Variants in IL1RAPL1 observed in about 807,000 individuals in gnomAD.
The protein encoded by IL1RAPL1 is interleukin 1 receptor accessory protein like 1.
IL1RAPL1 carries 3 observed loss-of-function variants against 48.4 expected under a neutral mutation model. The ratio of observed to expected loss-of-function variants is 0.06; its 90% CI spans 0.03 to 0.16. The LOEUF is 0.16. Among genes scored for constraint, IL1RAPL1 ranks in the 10% least tolerant of loss-of-function variants. The pLI, the probability that IL1RAPL1 is intolerant of heterozygous loss-of-function variation, is 1.00. For missense variants in IL1RAPL1, 349 were observed against 530.6 expected (o/e 0.66, Z 3.36); for synonymous variants, 185 against 187.7 (o/e 0.99, Z 0.12).
chrX:28,997,374 G>A (rs1458977716), intron 2 of IL1RAPL1, among the ~76,000 whole-genome samples: 6 of 111,679 alleles, frequency 5.4e-5, no homozygotes, highest in Non-Finnish European at 1.1e-4. Flanking sequence ...ATAACTCTAT[G>A]TTGGTGATAT....
chrX:28,971,264 A>T (rs1925063480), intron 2 of IL1RAPL1, among the ~76,000 whole-genome samples: 1 of 112,209 alleles, frequency 8.9e-6, no homozygotes, highest in African/African-American at 3.2e-5. Flanking sequence ...CTTCTAAATT[A>T]CCTATAAAAT....
At chrX:29,439,806 A>G (rs1431344967) in intron 5 of IL1RAPL1, among the ~76,000 whole-genome samples, 1 of 107,782 alleles carries the variant, frequency 9.3e-6, no homozygotes, top group Non-Finnish European at 1.9e-5. Context: ...TAGTACATCA[A>G]AGGCAATGTA....
intron 5 of IL1RAPL1, among the ~76,000 whole-genome samples, chrX:29,419,014 T>C (rs1934258115): frequency 8.9e-6 from 1 of 112,246 alleles, no homozygotes; most frequent in African/African-American, 3.2e-5. Flanking sequence ...TCTAATTGTA[T>C]AAATGAATGT....
chrX:28,847,049 T>C (rs1027914141), intron 2 of IL1RAPL1, among the ~76,000 whole-genome samples: 1 of 111,873 alleles, frequency 8.9e-6, no homozygotes, highest in African/African-American at 3.2e-5. Context: ...TTTGTCTAAA[T>C]GGGTATGTCA....
intron 5 of IL1RAPL1, among the ~76,000 whole-genome samples, chrX:29,460,263 T>G (rs1261887171): frequency 8.9e-6 from 1 of 112,278 alleles, no homozygotes; most frequent in Non-Finnish European, 1.9e-5. Flanking sequence ...CTCTATGAAT[T>G]TTTAAGTAGC....
At chrX:29,628,925 G>A (rs1008223288) in intron 5 of IL1RAPL1, among the ~76,000 whole-genome samples, 38 of 111,969 alleles carry the variant, frequency 3.4e-4, no homozygotes, top group African/African-American at 1.1e-3. Flanking sequence ...TACTTTTAGG[G>A]CAATGCTCTT....
chrX:29,724,243 T>G (rs772355263), intron 6 of IL1RAPL1, among the ~76,000 whole-genome samples: 94 of 111,785 alleles, frequency 8.4e-4, no homozygotes, highest in African/African-American at 2.9e-3. Flanking sequence ...CTCACTGTAC[T>G]CTTGCTCACA....
chrX:29,363,960 A>T (rs1237550176), intron 3 of IL1RAPL1, among the ~76,000 whole-genome samples: 1 of 111,658 alleles, frequency 9.0e-6, no homozygotes, highest in Non-Finnish European at 1.9e-5. Flanking sequence ...AATAAAAAGA[A>T]ATGTCTTAGT....
At chrX:29,885,755 G>C (rs772599203) in intron 6 of IL1RAPL1, among the ~76,000 whole-genome samples, 1 of 111,690 alleles carries the variant, frequency 9.0e-6, no homozygotes. Flanking sequence ...GGTGTTCGAG[G>C]ATGCAGGGAA....
intron 6 of IL1RAPL1, among the ~76,000 whole-genome samples, chrX:29,862,412 C>A (rs899508252): frequency 3.7e-4 from 41 of 111,247 alleles, no homozygotes; most frequent in African/African-American, 1.2e-3. Flanking sequence ...GTTATAAAAA[C>A]GTGACGGATG....
At chrX:29,582,114 C>A (rs931433506) in intron 5 of IL1RAPL1, among the ~76,000 whole-genome samples, 9 of 111,151 alleles carry the variant, frequency 8.1e-5, no homozygotes, top group African/African-American at 2.9e-4. Flanking sequence ...GGAAAGCATG[C>A]ATCTTCCCAG....
At chrX:29,318,384 T>G (rs1319325768) in intron 3 of IL1RAPL1, among the ~76,000 whole-genome samples, 2 of 112,491 alleles carry the variant, frequency 1.8e-5, no homozygotes, top group Admixed American at 1.9e-4. Flanking sequence ...AAGAAAACAT[T>G]TTAATACAAA....
intron 2 of IL1RAPL1, among the ~76,000 whole-genome samples, chrX:28,944,786 A>T (rs1362784757): frequency 9.1e-6 from 1 of 109,691 alleles, no homozygotes; most frequent in Non-Finnish European, 1.9e-5. Context: ...TTTTTTTAAG[A>T]TAAGAAAAAA....
intron 5 of IL1RAPL1, among the ~76,000 whole-genome samples, chrX:29,630,421 G>A (rs979211078): frequency 2.7e-5 from 3 of 111,741 alleles, no homozygotes; most frequent in Admixed American, 9.5e-5. Context: ...GAAGGACTTC[G>A]TTGCTGTAGA....
chrX:29,319,560 ATC>A lies in IL1RAPL1; in HGVS notation c.362+36345_362+36346del, dbSNP rs1439766338. Among the ~76,000 whole-genome samples the A allele has an allele frequency of 1.1e-4, 11 of 104,266 alleles. No individual in the cohort carries two copies. In the South Asian group the frequency reaches 1.3e-3, roughly 12 times the overall value. 90.5% of individuals were successfully genotyped at this position (104,266 alleles called of 115,157 possible). A position where few individuals can be genotyped will look rare whatever the true frequency, so the allele number is the denominator to read the frequency against. On this transcript the variant is annotated intron_variant, in intron 3 of 10. Transcript: ENST00000378993. Reference sequence around the variant, plus strand: ...TATGTATGTATGTATGTATGTATGTATCTATCTATCTATCTATCCATCCATCG... The same window carrying A: ...TATGTATGTATGTATGTATGTATGTATATCTATCTATCTATCCATCCATCG...
chrX:29,899,349 A>G (rs1342947980), intron 6 of IL1RAPL1, among the ~76,000 whole-genome samples: 1 of 111,169 alleles, frequency 9.0e-6, no homozygotes, highest in Non-Finnish European at 1.9e-5. Context: ...CTTTAGTTTC[A>G]TGATCAGAAT....
chrX:29,552,226 C>T (rs1921841055), intron 5 of IL1RAPL1, among the ~76,000 whole-genome samples: 2 of 111,601 alleles, frequency 1.8e-5, no homozygotes, highest in Admixed American at 9.5e-5. Flanking sequence ...TTGGGTCATT[C>T]TCCTGTGATT....
At chrX:29,447,470 CT>C (rs1203422527) in intron 5 of IL1RAPL1, among the ~76,000 whole-genome samples, 1 of 111,342 alleles carries the variant, frequency 9.0e-6, no homozygotes, top group African/African-American at 3.3e-5. Context: ...CCTAGAAACA[CT>C]TTTTACAATA....
rs370041650 is a variant in IL1RAPL1 at position 29,006,552 on chromosome X, A to AGCCCTCTTTATCCATCTT, written c.82+217134_82+217151dup. On this transcript the variant is annotated intron_variant, in intron 2 of 10. Coordinates refer to ENST00000378993, the MANE Select transcript of IL1RAPL1 (RefSeq NM_014271.4). ...AAAAATCCCACACCTCCTGTCAGAA[A>AGCCCTCTTTATCCATCTT]GCCCTCTTTATCCATCTTGCCCTCA... Among the ~76,000 whole-genome samples, 453 of 108,292 alleles carry AGCCCTCTTTATCCATCTT rather than the reference A, an allele frequency of 4.2e-3. 4 individuals are homozygous for AGCCCTCTTTATCCATCTT. The highest frequency in any genetic ancestry group is 0.015 in the African/African-American group (432 of 29,638). 94.0% of individuals were successfully genotyped at this position (108,292 alleles called of 115,157 possible).
Sources: gnomAD v4.1 joint callset for allele counts (sites outside exome capture counted in the v4.1 genomes callset) on GRCh38, gnomAD v4.1.1 for gene constraint, MANE v1.5 for transcripts, NCBI Gene and HGNC (gene_info 2026-07-23, HGNC 2026-07-21) for gene names.